Variants in RNASET2 observed in about 807,000 individuals in gnomAD.
RNASET2 encodes the protein ribonuclease T2.
In RNASET2, 28 loss-of-function variants were observed where a neutral mutation model predicts 33.9. The ratio of observed to expected loss-of-function variants is 0.83; its 90% CI spans 0.61 to 1.13. RNASET2 has a LOEUF of 1.13. RNASET2 is among the 50% of genes most tolerant of loss of function. The pLI is 0.00. For missense variants in RNASET2, 330 were observed against 319.9 expected, an observed-to-expected ratio of 1.03 and a Z score of -0.24; for synonymous variants, 123 against 121.0, an observed-to-expected ratio of 1.02 and a Z score of -0.11.
At chr6:166,932,807 G>A (rs1465130873) in intron 7 of RNASET2, 2 of 152,294 alleles carry the variant, frequency 1.3e-5, no homozygotes, top group East Asian at 3.9e-4. Flanking sequence ...ACCGAGCTCT[G>A]GGCAAACATG....
rs35320449 is a variant in RNASET2, at chr6:166,927,552, GC to G, written c.*2035del. Among the ~76,000 whole-genome samples, 36,217 of 151,478 alleles carry G rather than the reference GC, an allele frequency of 0.24. 6,004 individuals carry two copies. Among genetic ancestry groups the G allele is most frequent in the African/African-American group, 0.48 (19,672 of 41,132 alleles). On this transcript the variant is annotated 3_prime_UTR_variant, in exon 9 of 9. Coordinates refer to ENST00000508775, the MANE Select transcript of RNASET2 (RefSeq NM_003730.6). The stretch of plus-strand genomic sequence containing the variant: ...AATGGCTTCTTTAAAAACCGCAAAG[GC>G]CAGCCGACTGCAGACAGCCTCTGAA...
rs987091507 is a variant in RNASET2 at position 166,922,961 on chromosome 6, G to T, written c.*6627C>A. On this transcript the variant is annotated 3_prime_UTR_variant, in exon 9 of 9. Coordinates refer to ENST00000508775, the MANE Select transcript of RNASET2 (RefSeq NM_003730.6). Reference sequence around the variant, plus strand: ...TCAGTGTTAAAAGCGGGTAGGAAAAGGTGATTGTGTAATTCTTGCTCCCTC... The same window carrying T: ...TCAGTGTTAAAAGCGGGTAGGAAAATGTGATTGTGTAATTCTTGCTCCCTC... 6.6e-6 allele frequency among the ~76,000 whole-genome samples: 1 copy of T among 152,210 alleles called. No homozygotes were observed. The highest frequency in any genetic ancestry group is 1.5e-5 in the Non-Finnish European group (1 of 68,024).
At chr6:166,947,512 T>C (rs1035689080) in intron 3 of RNASET2, among the ~76,000 whole-genome samples, 1 of 152,198 alleles carries the variant, frequency 6.6e-6, no homozygotes, top group African/African-American at 2.4e-5. Context: ...CAAAGCTTCA[T>C]TCCAGCCTCA....
intron 7 of RNASET2, chr6:166,931,595 C>G (rs1778442526): frequency 5.3e-6 from 1 of 187,952 alleles, no homozygotes; most frequent in Non-Finnish European, 1.1e-5. Context: ...CCCTCAGCTA[C>G]CGGTCCCGAA....
rs1299915529 is a variant in RNASET2 at position 166,938,952 on chromosome 6, G to T, written c.389C>A (p.Ser130Tyr). 1 of 1,613,782 alleles carries T rather than the reference G, an allele frequency of 6.2e-7. No homozygotes were observed. Among genetic ancestry groups the T allele is most frequent in the South Asian group, 1.1e-5 (1 of 91,084 alleles). The change falls in exon 6 of 9, where the codon TCC becomes TAC. Residue 130 changes from serine (S) to tyrosine (Y), a missense_variant. Transcript: ENST00000508775. ...TCAAQVDALN[S>Y]QKKYFGRSLE... ...GCTTCTGCCAAAGTACTTCTTCTGG[G>T]AGTTGAGCGCATCCACCTGGGCGGC...
rs935334547 is a variant in RNASET2, at chr6:166,945,697, G to A, written c.261+985C>T. ...AATACAAAATAAGCCGGGCATGGTG[G>A]CGCATGCCTGTAATCCCAGCTACTC... is the stretch of plus-strand genomic sequence containing the variant. On this transcript the variant is annotated intron_variant, in intron 4 of 8. Transcript: ENST00000508775. Among the ~76,000 whole-genome samples, 5 of 152,112 alleles carry A rather than the reference G, an allele frequency of 3.3e-5. No individual in the cohort carries two copies. The East Asian group carries it at 7.7e-4, about 24-fold the overall frequency.
At chr6:166,955,615 G>C (rs886725757) in intron 1 of RNASET2, 22 of 992,656 alleles carry the variant, frequency 2.2e-5, no homozygotes, top group Non-Finnish European at 2.4e-5. Flanking sequence ...TCGCGTCCTA[G>C]GCTGGGAGCA....
intron 6 of RNASET2, among the ~76,000 whole-genome samples, chr6:166,937,640 G>A (rs1009102112): frequency 6.6e-6 from 1 of 152,184 alleles, no homozygotes; most frequent in African/African-American, 2.4e-5. Flanking sequence ...ACCTGGTAGT[G>A]CAGATTTTAA....
rs188948691 is a variant in RNASET2, at chr6:166,939,109, G to A, written c.333-101C>T. The A allele has an allele frequency of 3.6e-6, 3 of 841,540 alleles. No homozygotes were observed. The East Asian group carries it at 7.3e-5, about 21-fold the overall frequency. The allele number at this position is 841,540 out of a possible 1,614,324, so 52.1% of individuals were successfully genotyped here. On this transcript the variant is annotated intron_variant, in intron 5 of 8. Transcript: ENST00000508775. ...AACACTTTGGGAGGCTGAAGGGGGT[G>A]GATCACCTGAGATCAGGAGTTTGAG...
chr6:166,939,515 C>G (rs1352850406), intron 5 of RNASET2, among the ~76,000 whole-genome samples: 2 of 152,188 alleles, frequency 1.3e-5, no homozygotes, highest in African/African-American at 4.8e-5. Context: ...CAGTTCACGT[C>G]TACAATTACA....
chr6:166,955,728 G>A (rs1352243268), intron 1 of RNASET2: 2 of 1,130,126 alleles, frequency 1.8e-6, no homozygotes, highest in African/African-American at 3.3e-5. Context: ...AGTGTTCAGG[G>A]CTCCCCAACC....
rs56962763 is a variant in RNASET2, at chr6:166,936,350, CGTGT to C, written c.447-2218_447-2215del. Among the ~76,000 whole-genome samples the C allele has an allele frequency of 4.0e-5, 6 of 149,488 alleles. No homozygotes were observed. In the South Asian group the frequency reaches 8.5e-4, roughly 21 times the overall value. ...CCAGGACTTAGAGTTTTGCATGTGT[CGTGT>C]GTGTGTGTGTGTGTGTGTGTCTCAG... is the stretch of plus-strand genomic sequence containing the variant. On this transcript the variant is annotated intron_variant, in intron 6 of 8. Transcript: ENST00000508775.
At position 166,943,054 on chromosome 6, in the gene RNASET2, G is replaced by T. The variant is rs772187999; in HGVS notation, c.297C>A (p.Asp99Glu). Reference protein sequence around the residue: ...LLPEMRAYWPDVIHSFPNRSR... With the variant: ...LLPEMRAYWPEVIHSFPNRSR... ...TGCGATTGGGAAACGAGTGAATTAC[G>T]TCAGGCCAGTATGCCCTCATTTCTG... The change falls in exon 5 of 9, where the codon GAC (aspartate) becomes GAA (glutamate). Residue 99 changes from aspartate to glutamate, a missense_variant. Asp to Glu is a conservative substitution (Grantham distance 45). Coordinates refer to ENST00000508775, the MANE Select transcript of RNASET2 (RefSeq NM_003730.6). The T allele has an allele frequency of 1.2e-6, 2 of 1,613,614 alleles. No homozygotes were observed. Among genetic ancestry groups the T allele is most frequent in the Admixed American group, 1.7e-5 (1 of 60,000 alleles).
At position 166,938,704 on chromosome 6, in the gene RNASET2, T is replaced by C. The variant is rs536543624; in HGVS notation, c.446+191A>G. 5.2e-6 allele frequency: 4 copies of C among 769,196 alleles called. No individual in the cohort carries two copies. In the African/African-American group the frequency reaches 6.8e-5, roughly 13 times the overall value. The allele number at this position is 769,196 out of a possible 1,614,324, so 47.6% of individuals were successfully genotyped here. On this transcript the variant is annotated intron_variant, in intron 6 of 8. Coordinates refer to ENST00000508775, the MANE Select transcript of RNASET2 (RefSeq NM_003730.6). ...GCACCCACTCTGTGTGATCGTGATGTAGAATGATCTGGAAAGGCTTGGTAG... is the reference window on the plus strand; with the variant it reads ...GCACCCACTCTGTGTGATCGTGATGCAGAATGATCTGGAAAGGCTTGGTAG...
At chr6:166,939,787 G>A (rs1417414592) in intron 5 of RNASET2, among the ~76,000 whole-genome samples, 1 of 152,144 alleles carries the variant, frequency 6.6e-6, no homozygotes, top group Non-Finnish European at 1.5e-5. Context: ...TCTACATAGA[G>A]GACAATAAGA....
At position 166,926,427 on chromosome 6, in the gene RNASET2, G is replaced by A. The variant is rs762372912; in HGVS notation, c.*3161C>T. On this transcript the variant is annotated 3_prime_UTR_variant, in exon 9 of 9. Transcript: ENST00000508775. ...GTGGCGTGCCTAGTCCCAGCTACTC[G>A]GGAGGCTGAGGCAGAAGAATTGCTT... 4.6e-5 allele frequency among the ~76,000 whole-genome samples: 7 copies of A among 151,586 alleles called. No individual in the cohort carries two copies. The highest frequency in any genetic ancestry group is 1.0e-4 in the Non-Finnish European group (7 of 67,906).
intron 6 of RNASET2, 141 bp from the exon 7 acceptor site, chr6:166,934,277 G>A (rs1346958564): frequency 2.9e-6 from 2 of 685,036 alleles, no homozygotes; most frequent in Non-Finnish European, 5.3e-6. Context: ...CAACAAATGT[G>A]TCAACATGGA....
intron 2 of RNASET2, among the ~76,000 whole-genome samples, chr6:166,951,172 GGA>G (rs140120483): frequency 0.013 from 1,932 of 152,058 alleles, 47 homozygotes; most frequent in African/African-American, 0.044. Flanking sequence ...CAGCGGAGGC[GGA>G]GAGAGAGAGA....
intron 6 of RNASET2, among the ~76,000 whole-genome samples, chr6:166,936,641 T>C (rs1778576469): frequency 1.3e-5 from 2 of 152,044 alleles, no homozygotes; most frequent in African/African-American, 4.8e-5. Flanking sequence ...GGGAACTGAG[T>C]GGGAACTCGC....
Sources: allele counts gnomAD v4.1 joint callset (sites outside exome capture counted in the v4.1 genomes callset), GRCh38; gene constraint gnomAD v4.1.1; transcripts MANE v1.5; gene names NCBI Gene and HGNC (gene_info 2026-07-23, HGNC 2026-07-21).